The following ITSN2 variants were observed in gnomAD, a reference collection of about 807,000 sequenced individuals.
ITSN2 encodes the protein intersectin-2.
Under a neutral mutation model 243.7 loss-of-function variants are expected in ITSN2, and 156 were observed. The observed-to-expected ratio is 0.64, with a 90% CI of 0.56 to 0.73. ITSN2 has a LOEUF of 0.73. Among genes scored for constraint, ITSN2 ranks in the 30% least tolerant of loss-of-function variants. The probability of loss-of-function intolerance (pLI) is 0.00; values close to 1 mark genes in which losing one functional copy is unlikely to be tolerated. For synonymous variants in ITSN2, 703 were observed against 699.9 expected (o/e 1.00, Z -0.07); for missense variants, 1,801 against 1,996.1 (o/e 0.90, Z 1.86).
intron 2 of ITSN2, among the ~76,000 whole-genome samples, chr2:24,326,948 G>A (rs1277063949): frequency 6.6e-6 from 1 of 152,130 alleles, no homozygotes; most frequent in African/African-American, 2.4e-5. Context: ...GAATTGCTTT[G>A]TGAAGATGGT....
Position 24,204,956 on chromosome 2 carries a change from G to A in ITSN2, c.4762+258C>T. On this transcript the variant is annotated intron_variant, in intron 38 of 39. Transcript: ENST00000355123. The surrounding 1 kb of genome is among the most constrained non-coding windows in gnomAD (Gnocchi z 5.1). ...GAGGTCAGGAGTTCGAGACCAGCCT[G>A]GCCAACATGGTGAAACCCTGTGTCT... 2.6e-6 allele frequency: 1 copy of A among 382,336 alleles called. No individual in the cohort carries two copies. Among genetic ancestry groups the A allele is most frequent in the Non-Finnish European group, 5.1e-6 (1 of 195,690 alleles). 23.7% of individuals were successfully genotyped at this position (382,336 alleles called of 1,614,324 possible). A position where few individuals can be genotyped will look rare whatever the true frequency, so the allele number is the denominator to read the frequency against.
Position 24,248,881 on chromosome 2 carries a change from C to T in ITSN2, c.3122G>A (p.Ser1041Asn), listed in dbSNP as rs1295976779. The T allele has an allele frequency of 6.2e-7, 1 of 1,613,362 alleles. No individual in the cohort carries two copies. Among genetic ancestry groups the T allele is most frequent in the East Asian group, 2.2e-5 (1 of 44,828 alleles). The change falls in exon 26 of 40, where the codon AGT becomes AAT. Residue 1041 changes from serine (S) to asparagine (N), a missense_variant and splice_region_variant. By Grantham distance (46) the Ser-to-Asn change is conservative. Coordinates refer to ENST00000355123, the MANE Select transcript of ITSN2 (RefSeq NM_006277.3). ...TCCAGACTTGCTAGCACTCCCAAAA[C>T]TCTACAAGGAAAAGATACCGTGTTG... ...SNYVKPKDQE[S>N]FGSASKSGAS...
At chr2:24,322,341 AT>A (rs1684666473) in intron 2 of ITSN2, among the ~76,000 whole-genome samples, 1 of 152,218 alleles carries the variant, frequency 6.6e-6, no homozygotes, top group Non-Finnish European at 1.5e-5. Flanking sequence ...AGGTAATAAA[AT>A]TGGTAAGTGT....
At position 24,261,252 on chromosome 2, in the gene ITSN2, T is replaced by A; in HGVS notation, c.2538-2A>T. 6.2e-7 allele frequency: 1 copy of A among 1,605,584 alleles called. No individual in the cohort carries two copies. Among genetic ancestry groups the A allele is most frequent in the East Asian group, 2.2e-5 (1 of 44,780 alleles). On this transcript the variant is annotated splice_acceptor_variant, in intron 21 of 39. Coordinates refer to ENST00000355123, the MANE Select transcript of ITSN2 (RefSeq NM_006277.3). LOFTEE classifies it high-confidence loss of function. The stretch of plus-strand genomic sequence containing the variant: ...GCTGGTTGATTTGAAGAAAGTGGTC[T>A]GCAAATATAACACTTTGATATAAGT...
chr2:24,342,083 T>C lies in ITSN2; in HGVS notation c.-33-13968A>G, dbSNP rs558221957. Among the ~76,000 whole-genome samples the C allele has an allele frequency of 1.4e-4, 22 of 152,242 alleles. No homozygotes were observed. In the South Asian group the frequency reaches 4.4e-3, roughly 30 times the overall value. On this transcript the variant is annotated intron_variant, in intron 1 of 39. Coordinates refer to ENST00000355123, the MANE Select transcript of ITSN2 (RefSeq NM_006277.3). The stretch of plus-strand genomic sequence containing the variant: ...TTAGAACCTGGGACAGATATTTCTG[T>C]CTCTAAGAATGAAGTTCAGGAAGGG...
intron 2 of ITSN2, among the ~76,000 whole-genome samples, chr2:24,324,566 T>C (rs1000502558): frequency 1.3e-5 from 2 of 152,042 alleles, no homozygotes; most frequent in Non-Finnish European, 1.5e-5. Flanking sequence ...GGTACAAAGA[T>C]GAATAAAATG....
intron 27 of ITSN2, 47 bp downstream of exon 27, chr2:24,248,582 C>G (rs774762117): frequency 6.7e-7 from 1 of 1,483,320 alleles, no homozygotes; most frequent in Non-Finnish European, 9.2e-7. Flanking sequence ...ATGGAGCATG[C>G]AGTACTTTTA....
At chr2:24,269,345 C>T (rs1677073234) in intron 20 of ITSN2, among the ~76,000 whole-genome samples, 1 of 152,216 alleles carries the variant, frequency 6.6e-6, no homozygotes, top group African/African-American at 2.4e-5. Flanking sequence ...CAAAACTGAA[C>T]TCATAATTCT....
chr2:24,296,146 T>C (rs1680933135), intron 13 of ITSN2, among the ~76,000 whole-genome samples: 3 of 152,216 alleles, frequency 2.0e-5, no homozygotes, highest in South Asian at 4.1e-4. Context: ...GAGGAATAAA[T>C]GTTTGCATGT....
At chr2:24,305,576 CA>C (rs537945691) in intron 8 of ITSN2, among the ~76,000 whole-genome samples, 247 of 40,884 alleles carry the variant, frequency 6.0e-3, no homozygotes, top group Middle Eastern at 0.031. Flanking sequence ...GACTCTGTCT[CA>C]AAAAAAAAAA....
chr2:24,214,583 T>C (rs1669792098), intron 32 of ITSN2, among the ~76,000 whole-genome samples: 1 of 152,214 alleles, frequency 6.6e-6, no homozygotes, highest in African/African-American at 2.4e-5. Context: ...TCTTTTGGAA[T>C]TACATGCACT....
chr2:24,353,881 G>A (rs948178386), intron 1 of ITSN2, among the ~76,000 whole-genome samples: 4 of 151,800 alleles, frequency 2.6e-5, no homozygotes, highest in African/African-American at 9.7e-5. Flanking sequence ...CAAAAATAAA[G>A]GAATATACTA....
At chr2:24,296,050 AAC>A (rs1680921274) in intron 13 of ITSN2, among the ~76,000 whole-genome samples, 1 of 152,178 alleles carries the variant, frequency 6.6e-6, no homozygotes, top group African/African-American at 2.4e-5. Context: ...GCAGAAACAT[AAC>A]ACATTGAATT....
chr2:24,223,954 G>A (rs1670770187), intron 29 of ITSN2, among the ~76,000 whole-genome samples: 1 of 152,192 alleles, frequency 6.6e-6, no homozygotes, highest in Non-Finnish European at 1.5e-5. Flanking sequence ...TACGCTTTTA[G>A]GGAGATAGTA....
At chr2:24,236,849 T>C (rs1441871838) in intron 29 of ITSN2, among the ~76,000 whole-genome samples, 1 of 151,680 alleles carries the variant, frequency 6.6e-6, no homozygotes. Context: ...TCTATCTATC[T>C]ATCTATCTTT....
At chr2:24,215,955 C>T (rs1669916756) in intron 32 of ITSN2, 94 bp downstream of exon 32, 2 of 887,984 alleles carry the variant, frequency 2.3e-6, no homozygotes, top group Admixed American at 3.4e-5. Context: ...TGGGGATGCC[C>T]TTCTCCATTG....
At chr2:24,315,738 G>C (rs1183106574) in intron 2 of ITSN2, among the ~76,000 whole-genome samples, 1 of 152,122 alleles carries the variant, frequency 6.6e-6, no homozygotes, top group African/African-American at 2.4e-5. Context: ...AATAGCTGAT[G>C]GTTTTAAAGT....
chr2:24,296,203 T>C (rs969818554), intron 13 of ITSN2, among the ~76,000 whole-genome samples: 2 of 151,512 alleles, frequency 1.3e-5, no homozygotes, highest in East Asian at 1.9e-4. Context: ...ACCCTAAATA[T>C]GGCCATCTAA....
chr2:24,359,767 G>A (rs890699152), intron 1 of ITSN2, among the ~76,000 whole-genome samples: 1 of 152,154 alleles, frequency 6.6e-6, no homozygotes, highest in African/African-American at 2.4e-5. Context: ...GAACGCGAGC[G>A]GTAGACGCCA....
Sources: allele counts gnomAD v4.1 joint callset (sites outside exome capture counted in the v4.1 genomes callset), GRCh38; gene constraint gnomAD v4.1.1; non-coding constraint Gnocchi (gnomAD v3.1); transcripts MANE v1.5; gene names NCBI Gene and HGNC (gene_info 2026-07-23, HGNC 2026-07-21).